The following SPTAN1 variants were observed in gnomAD, a reference collection of about 807,000 sequenced individuals.
SPTAN1 encodes the protein spectrin alpha chain, non-erythrocytic 1.
Under a neutral mutation model 331.3 loss-of-function variants are expected in SPTAN1, and 61 were observed. The ratio of observed to expected loss-of-function variants is 0.18; its 90% CI spans 0.15 to 0.23. The LOEUF (loss-of-function observed/expected upper bound fraction) is 0.23. SPTAN1 is among the 10% of genes least tolerant of loss of function. SPTAN1 has a pLI of 1.00. For synonymous variants in SPTAN1, 1,153 were observed against 1,173.9 expected (o/e 0.98, Z 0.36); for missense variants, 2,043 against 3,147.9 (o/e 0.65, Z 8.40).
At position 128,626,623 on chromosome 9, in the gene SPTAN1, C is replaced by T; in HGVS notation, c.6512C>T (p.Pro2171Leu). The T allele has an allele frequency of 6.2e-7, 1 of 1,613,842 alleles. No homozygotes were observed. The highest frequency in any genetic ancestry group is 8.5e-7 in the Non-Finnish European group (1 of 1,179,924). The change falls in exon 49 of 57, where the codon CCC (proline) becomes CTC (leucine). Residue 2171 changes from proline to leucine, a missense_variant. Pro to Leu is a moderately conservative substitution (Grantham distance 98, BLOSUM62 -3). Transcript: ENST00000372739. ...AAGAGCTTCCGCGTAGCCTCCAACC[C>T]CTACACCTGGTTTACCATGGAGGCC... ...QIKSFRVASN[P>L]YTWFTMEALE...
rs1264997058 is a variant in SPTAN1 at position 128,594,191 on chromosome 9, G to A, written c.3232G>A (p.Glu1078Lys). The stretch of plus-strand genomic sequence containing the variant: ...TTCCATCAGATATCATTCTCTGCTG[G>A]AACTGGGTGAGAAGCGTAAAGGCAT... ...QVEELYHSLL[E>K]LGEKRKGMLE... The change falls in exon 24 of 57, where the codon GAA becomes AAA. Residue 1078 changes from glutamate to lysine, a missense_variant. Glu to Lys is a moderately conservative substitution (Grantham distance 56). Coordinates refer to ENST00000372739, the MANE Select transcript of SPTAN1 (RefSeq NM_001130438.3). 1 of 1,614,102 alleles carries A rather than the reference G, an allele frequency of 6.2e-7. No individual in the cohort carries two copies. Among genetic ancestry groups the A allele is most frequent in the South Asian group, 1.1e-5 (1 of 91,078 alleles).
In SPTAN1 at chr9:128,575,398, A is replaced by G. The variant is rs2297770; in HGVS notation, c.651+53A>G. On this transcript the variant is annotated intron_variant, in intron 5 of 56. Coordinates refer to ENST00000372739, the MANE Select transcript of SPTAN1 (RefSeq NM_001130438.3). ...CACAACATTATTATGTTAACTTTTT[A>G]GTATATTCAGGATAAAATTTTGATG... The G allele has an allele frequency of 3.1e-3, 5,013 of 1,592,386 alleles. 143 individuals are homozygous for G. In the East Asian group the frequency reaches 0.052, roughly 17 times the overall value.
At chr9:128,593,828 C>A in intron 23 of SPTAN1, 2 of 338,610 alleles carry the variant, frequency 5.9e-6, no homozygotes, top group Middle Eastern at 1.0e-3. Flanking sequence ...AAGTTCATCT[C>A]GTCTCTCCAC....
In SPTAN1 at chr9:128,585,636, C is replaced by T; in HGVS notation, c.2561-112C>T. 8.9e-6 allele frequency: 8 copies of T among 896,410 alleles called. No homozygotes were observed. The South Asian group carries it at 1.1e-4, about 12-fold the overall frequency. 55.5% of individuals were successfully genotyped at this position (896,410 alleles called of 1,614,324 possible). On this transcript the variant is annotated intron_variant, in intron 18 of 56. Transcript: ENST00000372739. ...AATGGAATTATGAAAGGGCACAGCT[C>T]ACCAAAACATAGTAATGAAAGTGCC...
At chr9:128,599,660 A>C (rs1029358426) in intron 26 of SPTAN1, 2 of 188,946 alleles carry the variant, frequency 1.1e-5, no homozygotes, top group Admixed American at 1.2e-4. Flanking sequence ...CTAGGACAAC[A>C]GGCATGCAAC....
rs1443731115 is a variant in SPTAN1 at position 128,625,961 on chromosome 9, C to G, written c.6262C>G (p.Gln2088Glu). Residue 2088 changes from glutamine to glutamate, a missense_variant, in exon 48 of 57, where the codon CAG becomes GAG. By Grantham distance (29) the Gln-to-Glu change is conservative. Around this residue, in one of 12 missense-constraint regions of SPTAN1, gnomAD observed 256 missense variants for 376.4 expected, o/e 0.68. Coordinates refer to ENST00000372739, the MANE Select transcript of SPTAN1 (RefSeq NM_001130438.3). The surrounding 1 kb of genome is among the most constrained non-coding windows in gnomAD (Gnocchi z 4.1). The stretch of plus-strand genomic sequence containing the variant: ...CCGCAAGAAGAAGCTTCTGGAGGCT[C>G]AGAGTCACTTCCGCAAGGTGAGGAT... ...AARKKKLLEAQSHFRKVEDLF... is the reference protein window; with the variant it reads ...AARKKKLLEAESHFRKVEDLF... 7 of 1,614,128 alleles carry G rather than the reference C, an allele frequency of 4.3e-6. No individual in the cohort carries two copies. Among genetic ancestry groups the G allele is most frequent in the Non-Finnish European group, 4.2e-6 (5 of 1,179,990 alleles).
chr9:128,597,487 C>G (rs1013831988), intron 24 of SPTAN1, among the ~76,000 whole-genome samples: 5 of 152,106 alleles, frequency 3.3e-5, no homozygotes, highest in Non-Finnish European at 7.3e-5. Context: ...TTGTAATACT[C>G]CACTCCAGCG....
intron 24 of SPTAN1, among the ~76,000 whole-genome samples, chr9:128,597,336 A>G (rs1854445047): frequency 6.6e-6 from 1 of 152,094 alleles, no homozygotes; most frequent in African/African-American, 2.4e-5. Flanking sequence ...TTTTAAAACC[A>G]AAAAGAGGTT....
In SPTAN1 at chr9:128,581,153, G is replaced by A. The variant is rs1851893356; in HGVS notation, c.1461+94G>A. 4 of 1,542,498 alleles carry A rather than the reference G, an allele frequency of 2.6e-6. No homozygotes were observed. The African/African-American group carries it at 4.1e-5, about 16-fold the overall frequency. ...GTGCTTGTTTTGTTTTAGGACATCAGTACCATGTTAGTTCTGAATCCATTG... is the reference window on the plus strand; with the variant it reads ...GTGCTTGTTTTGTTTTAGGACATCAATACCATGTTAGTTCTGAATCCATTG... On this transcript the variant is annotated intron_variant, in intron 11 of 56. Coordinates refer to ENST00000372739, the MANE Select transcript of SPTAN1 (RefSeq NM_001130438.3).
chr9:128,575,983 G>A (rs1170379115), intron 5 of SPTAN1, among the ~76,000 whole-genome samples: 1 of 152,164 alleles, frequency 6.6e-6, no homozygotes, highest in Non-Finnish European at 1.5e-5. Flanking sequence ...TCTGCTTATA[G>A]GCTGGTACTT....
At chr9:128,623,406 T>A (rs147609987) in intron 45 of SPTAN1, among the ~76,000 whole-genome samples, 11 of 151,914 alleles carry the variant, frequency 7.2e-5, no homozygotes, top group South Asian at 2.1e-4. Flanking sequence ...AGTTTTTTTC[T>A]ATCAAAAATA....
intron 16 of SPTAN1, 68 bp from the exon 17 acceptor site, chr9:128,584,214 C>T: frequency 6.2e-7 from 1 of 1,609,924 alleles, no homozygotes; most frequent in African/African-American, 1.3e-5. Context: ...AAGACCTTAT[C>T]AATTTTTCTC....
Position 128,633,630 on chromosome 9 carries a change from G to A in SPTAN1, c.*296G>A, listed in dbSNP as rs985342917. 7 of 1,323,130 alleles carry A rather than the reference G, an allele frequency of 5.3e-6. No individual in the cohort carries two copies. In the African/African-American group the frequency reaches 1.0e-4, roughly 19 times the overall value. The allele number at this position is 1,323,130 out of a possible 1,614,324, so 82.0% of individuals were successfully genotyped here. On this transcript the variant is annotated 3_prime_UTR_variant, in exon 57 of 57. Transcript: ENST00000372739. ...CACCCTCCCCCAAATCTGTTTTCAT[G>A]TAAAAGACAAATAAATGATGACTTC...
intron 1 of SPTAN1, among the ~76,000 whole-genome samples, chr9:128,556,721 C>T (rs888735951): frequency 3.3e-5 from 5 of 152,174 alleles, no homozygotes; most frequent in African/African-American, 1.2e-4. Flanking sequence ...CATGCTGATC[C>T]ACAATCCTGA....
chr9:128,584,422 G>A lies in SPTAN1; in HGVS notation c.2334G>A (p.Gln778=). 6.2e-7 allele frequency: 1 copy of A among 1,614,190 alleles called. No individual in the cohort carries two copies. The highest frequency in any genetic ancestry group is 8.5e-7 in the Non-Finnish European group (1 of 1,180,036). Residue 778 remains glutamine (Q), a synonymous_variant, in exon 17 of 57, where the codon CAG becomes CAA. Coordinates refer to ENST00000372739, the MANE Select transcript of SPTAN1 (RefSeq NM_001130438.3). The part of the protein sequence containing the change: ...ALKEPMVARK[Q]KLADSLRLQQ... Reference sequence around the variant, plus strand: ...AGGAGCCCATGGTTGCCCGGAAGCAGAAGCTGGCCGATTCTCTGCGGTTGC... The same window carrying A: ...AGGAGCCCATGGTTGCCCGGAAGCAAAAGCTGGCCGATTCTCTGCGGTTGC...
chr9:128,628,067 C>A, intron 51 of SPTAN1, 125 bp downstream of exon 51: 1 of 1,186,118 alleles, frequency 8.4e-7, no homozygotes, highest in Non-Finnish European at 1.3e-6. Flanking sequence ...TGCACTTCCC[C>A]TCCCACCCTT....
In SPTAN1 at chr9:128,632,972, G is replaced by A. The variant is rs998004157; in HGVS notation, c.7308+17G>A. 1.2e-6 allele frequency: 2 copies of A among 1,609,954 alleles called. No homozygotes were observed. The highest frequency in any genetic ancestry group is 1.7e-6 in the Non-Finnish European group (2 of 1,179,996). On this transcript the variant is annotated intron_variant, in intron 56 of 56. Coordinates refer to ENST00000372739, the MANE Select transcript of SPTAN1 (RefSeq NM_001130438.3). ...CTCTACCAGGTATGGGCCTCAGGAG[G>A]TGGGTGAAGAGGTGTCCTTTGGAAA...
At chr9:128,565,759 A>G (rs1224678518) in intron 1 of SPTAN1, among the ~76,000 whole-genome samples, 1 of 152,234 alleles carries the variant, frequency 6.6e-6, no homozygotes, top group Non-Finnish European at 1.5e-5. Flanking sequence ...TTCCAGGGTA[A>G]CACAATTTTA....
intron 8 of SPTAN1, 107 bp from the exon 9 acceptor site, chr9:128,578,003 A>C: frequency 7.8e-7 from 1 of 1,279,064 alleles, no homozygotes; most frequent in Non-Finnish European, 1.1e-6. Context: ...TAGAATTTAT[A>C]TAGTTTGTTA....
Sources: allele counts gnomAD v4.1 joint callset (sites outside exome capture counted in the v4.1 genomes callset), GRCh38; gene constraint gnomAD v4.1.1; regional missense constraint gnomAD v4.1.1; non-coding constraint Gnocchi (gnomAD v3.1); transcripts MANE v1.5; gene names NCBI Gene and HGNC (gene_info 2026-07-23, HGNC 2026-07-21).